The following CNTNAP5 variants were observed in gnomAD, a reference collection of about 807,000 sequenced individuals.
CNTNAP5 encodes the protein contactin associated protein family member 5.
Under a neutral mutation model 150.2 loss-of-function variants are expected in CNTNAP5, and 72 were observed. The ratio of observed to expected loss-of-function variants is 0.48; its 90% confidence interval spans 0.40 to 0.58. The LOEUF (loss-of-function observed/expected upper bound fraction) is 0.58, where lower values mean the gene tolerates loss of function less well. CNTNAP5 is among the 20% of genes least tolerant of loss of function. The pLI is 0.00. For missense variants in CNTNAP5, 1,636 were observed against 1,626.2 expected (o/e 1.01, Z -0.10); for synonymous variants, 672 against 619.8 (o/e 1.08, Z -1.25).
At chr2:124,530,052 C>G (rs545341912) in intron 10 of CNTNAP5, among the ~76,000 whole-genome samples, 1 of 152,198 alleles carries the variant, frequency 6.6e-6, no homozygotes, top group Non-Finnish European at 1.5e-5. Flanking sequence ...TTGCTCACGT[C>G]TGCAATTCCA....
chr2:124,263,111 C>T (rs146095917), intron 3 of CNTNAP5, among the ~76,000 whole-genome samples: 11,656 of 151,968 alleles, frequency 0.077, 573 homozygotes, highest in South Asian at 0.18. Context: ...AATAAACATA[C>T]GTGTGTGTGT....
At chr2:124,614,360 G>C (rs908007905) in intron 12 of CNTNAP5, among the ~76,000 whole-genome samples, 1 of 152,172 alleles carries the variant, frequency 6.6e-6, no homozygotes, top group South Asian at 2.1e-4. Context: ...TTTGGGGAGA[G>C]TCTATACAGT....
At chr2:124,233,532 A>G (rs576099141) in intron 2 of CNTNAP5, among the ~76,000 whole-genome samples, 154 of 152,122 alleles carry the variant, frequency 1.0e-3, no homozygotes, top group Non-Finnish European at 1.7e-3. Flanking sequence ...TCATCTGCCC[A>G]GTCCTGAAAC....
At chr2:124,340,856 C>G (rs887672756) in intron 3 of CNTNAP5, among the ~76,000 whole-genome samples, 1 of 147,944 alleles carries the variant, frequency 6.8e-6, no homozygotes, top group Non-Finnish European at 1.5e-5. Flanking sequence ...TATGTACACA[C>G]ACACTATATG....
At chr2:124,156,141 G>A (rs1684542234) in intron 1 of CNTNAP5, among the ~76,000 whole-genome samples, 1 of 152,224 alleles carries the variant, frequency 6.6e-6, no homozygotes, top group Admixed American at 6.5e-5. Context: ...TCGTAAAAGG[G>A]TTAAGGCTTT....
chr2:124,816,473 C>CTT (rs34089178), intron 19 of CNTNAP5, among the ~76,000 whole-genome samples: 12,449 of 107,598 alleles, frequency 0.12, 1,372 homozygotes, highest in Non-Finnish European at 0.15. Flanking sequence ...TTGCAGCTTA[C>CTT]TTTTTTTTTT....
intron 1 of CNTNAP5, among the ~76,000 whole-genome samples, chr2:124,140,140 A>G (rs1231620167): frequency 6.6e-5 from 10 of 150,978 alleles, no homozygotes; most frequent in East Asian, 4.0e-4. Flanking sequence ...AGGGTCCTAC[A>G]CCCACGGAAT....
rs74989293 is a variant in CNTNAP5, at chr2:124,279,022, G to C, written c.381+36629G>C. ...AAGTGTCAACAGGAGACCTGAACAA[G>C]ACAGGTTCTAGAGGACCATGGGCTG... On this transcript the variant is annotated intron_variant, in intron 3 of 23. Transcript: ENST00000682447. Among the ~76,000 whole-genome samples, 1,374 of 152,210 alleles carry C rather than the reference G, an allele frequency of 9.0e-3. 22 individuals are homozygous for C. Among genetic ancestry groups the C allele is most frequent in the African/African-American group, 0.031 (1,285 of 41,540 alleles).
At chr2:124,878,645 CAGTGGAGGTGGT>C (rs773433048) in intron 21 of CNTNAP5, among the ~76,000 whole-genome samples, 68 of 151,758 alleles carry the variant, frequency 4.5e-4, no homozygotes, top group Middle Eastern at 3.5e-3. Context: ...GATTGGTAAA[CAGTGGAGGTGGT>C]AGTGTGGACA....
chr2:124,596,064 T>C, intron 11 of CNTNAP5, among the ~76,000 whole-genome samples: 1 of 131,142 alleles, frequency 7.6e-6, no homozygotes, highest in Non-Finnish European at 1.6e-5. Flanking sequence ...AGTCTATCAA[T>C]TTTGTTGATC....
rs183261675 is a variant in CNTNAP5, at chr2:124,723,385, G to A, written c.2078-23844G>A. ...ATCTCTGTCTGAGACCTCAAAAATCGCATTTAACATTCATTGTATTCCTAC... is the reference window on the plus strand; with the variant it reads ...ATCTCTGTCTGAGACCTCAAAAATCACATTTAACATTCATTGTATTCCTAC... On this transcript the variant is annotated intron_variant, in intron 13 of 23. Transcript: ENST00000682447. 5.3e-5 allele frequency among the ~76,000 whole-genome samples: 8 copies of A among 152,042 alleles called. 1 individual carries two copies. Among genetic ancestry groups the A allele is most frequent in the East Asian group, 1.9e-4 (1 of 5,166 alleles).
chr2:124,162,564 T>TG (rs1361140484), intron 1 of CNTNAP5, among the ~76,000 whole-genome samples: 28 of 152,150 alleles, frequency 1.8e-4, no homozygotes, highest in Non-Finnish European at 3.5e-4. Flanking sequence ...AAAGATGACT[T>TG]GGGGGTTAAA....
rs115490241 is a variant in CNTNAP5, at chr2:124,648,322, A to G, written c.2077+364A>G. ...GGAAATGCTAGTTTGGGGAGAGAGA[A>G]TAGAGCTTGATAAGGCACCAGGATC... On this transcript the variant is annotated intron_variant, in intron 13 of 23. Transcript: ENST00000682447. Among the ~76,000 whole-genome samples the G allele has an allele frequency of 6.8e-3, 1,029 of 152,140 alleles. 16 individuals are homozygous for G. The highest frequency in any genetic ancestry group is 0.024 in the African/African-American group (995 of 41,512).
rs1051303650 is a variant in CNTNAP5 at position 124,915,052 on chromosome 2, T to C, written c.*764T>C. ...AGGTAACAAGAAAGCTTCTAGGAAG[T>C]AGATGTTCCATATCTTCAAAATGCC... On this transcript the variant is annotated 3_prime_UTR_variant, in exon 24 of 24. Transcript: ENST00000682447. 1 of 158,296 alleles carries C rather than the reference T, an allele frequency of 6.3e-6. No homozygotes were observed. Among genetic ancestry groups the C allele is most frequent in the Non-Finnish European group, 1.5e-5 (1 of 68,010 alleles). 9.8% of individuals were successfully genotyped at this position (158,296 alleles called of 1,614,324 possible).
At chr2:124,211,850 G>A (rs1417515840) in intron 1 of CNTNAP5, among the ~76,000 whole-genome samples, 1 of 152,130 alleles carries the variant, frequency 6.6e-6, no homozygotes, top group East Asian at 1.9e-4. Flanking sequence ...GATGAAAAAG[G>A]TTTATGAATG....
chr2:124,188,969 A>G (rs1685400293), intron 1 of CNTNAP5, among the ~76,000 whole-genome samples: 1 of 152,120 alleles, frequency 6.6e-6, no homozygotes, highest in African/African-American at 2.4e-5. Context: ...ACCGCATATA[A>G]TGGGATTTCA....
intron 17 of CNTNAP5, among the ~76,000 whole-genome samples, chr2:124,789,342 G>A (rs1681667398): frequency 6.6e-6 from 1 of 151,986 alleles, no homozygotes; most frequent in African/African-American, 2.4e-5. Context: ...TTTTTTGTAT[G>A]TATACGGAAA....
chr2:124,654,170 G>A (rs1037168381), intron 13 of CNTNAP5, among the ~76,000 whole-genome samples: 4 of 152,140 alleles, frequency 2.6e-5, no homozygotes, highest in Non-Finnish European at 5.9e-5. Flanking sequence ...GGAGGAGCAA[G>A]GGTGGGAGGA....
intron 4 of CNTNAP5, among the ~76,000 whole-genome samples, chr2:124,422,196 A>G (rs573294760): frequency 1.1e-4 from 17 of 152,312 alleles, no homozygotes; most frequent in African/African-American, 3.6e-4. Flanking sequence ...TTTCTAAGGA[A>G]TTACTTTTGT....
Sources: gnomAD v4.1 joint callset for allele counts (sites outside exome capture counted in the v4.1 genomes callset) on GRCh38, gnomAD v4.1.1 for gene constraint, MANE v1.5 for transcripts, NCBI Gene and HGNC (gene_info 2026-07-23, HGNC 2026-07-21) for gene names.